CUL5: variants seen among roughly 807,000 people sequenced by gnomAD.
CUL5 encodes the protein cullin-5.
CUL5 carries 26 observed loss-of-function variants against 108.8 expected under a neutral mutation model. The observed-to-expected ratio is 0.24, with a 90% CI of 0.18 to 0.33. The LOEUF is 0.33. Ranked by LOEUF, CUL5 falls within the 10% of genes least tolerant of loss-of-function variation. The pLI is 1.00. For synonymous variants in CUL5, 334 were observed against 298.0 expected, an observed-to-expected ratio of 1.12 and a Z score of -1.25; for missense variants, 524 against 909.2, an observed-to-expected ratio of 0.58 and a Z score of 5.45.
intron 13 of CUL5, among the ~76,000 whole-genome samples, chr11:108,091,667 C>T (rs1864362617): frequency 7.1e-6 from 1 of 140,028 alleles, no homozygotes; most frequent in Admixed American, 7.2e-5. Flanking sequence ...CCTGCCTGAG[C>T]AACAGAGTCA....
At chr11:108,055,612 T>TA (rs1863354818) in intron 7 of CUL5, among the ~76,000 whole-genome samples, 1 of 145,918 alleles carries the variant, frequency 6.9e-6, no homozygotes, top group Non-Finnish European at 1.5e-5. Context: ...GCCTGACTAA[T>TA]AAATATATAT....
At chr11:108,034,382 G>T (rs556052405) in intron 2 of CUL5, among the ~76,000 whole-genome samples, 1 of 152,298 alleles carries the variant, frequency 6.6e-6, no homozygotes, top group Admixed American at 6.5e-5. Flanking sequence ...CAAAATCAGT[G>T]TAAACCATAT....
chr11:108,031,756 C>T (rs532780375), intron 1 of CUL5, among the ~76,000 whole-genome samples: 14 of 152,196 alleles, frequency 9.2e-5, no homozygotes, highest in Admixed American at 4.6e-4. Context: ...CTAACAAAGA[C>T]GTGAAATCAC....
intron 11 of CUL5, among the ~76,000 whole-genome samples, chr11:108,086,074 A>G (rs1237828462): frequency 6.6e-6 from 1 of 152,224 alleles, no homozygotes; most frequent in Non-Finnish European, 1.5e-5. Flanking sequence ...AAAACCATAT[A>G]TAATTGGAGT....
At chr11:108,070,067 A>G in intron 7 of CUL5, 29 bp from the exon 8 acceptor site, 1 of 1,455,328 alleles carries the variant, frequency 6.9e-7, no homozygotes, top group African/African-American at 1.4e-5. Context: ...AGCTTATAGT[A>G]GCCTTGACTA....
At chr11:108,083,965 A>G (rs1225508486) in intron 11 of CUL5, among the ~76,000 whole-genome samples, 1 of 152,182 alleles carries the variant, frequency 6.6e-6, no homozygotes, top group Non-Finnish European at 1.5e-5. Context: ...AACTTCCGTA[A>G]AACATTATGA....
chr11:108,057,684 A>C (rs1477429610), intron 7 of CUL5, among the ~76,000 whole-genome samples: 4 of 152,216 alleles, frequency 2.6e-5, no homozygotes, highest in African/African-American at 9.6e-5. Context: ...AGGAGAAATT[A>C]CAACTATATG....
In CUL5 at chr11:108,094,819, A is replaced by G; in HGVS notation, c.1575A>G (p.Ser525=). 1 of 1,591,452 alleles carries G rather than the reference A, an allele frequency of 6.3e-7. No homozygotes were observed. Among genetic ancestry groups the G allele is most frequent in the Non-Finnish European group, 8.5e-7 (1 of 1,170,660 alleles). ...TGATATTCTTCTCTATAGCTGATTC[A>G]GTTAATATAAAAATTCTGAATGCTG... ...KNNKLALPAD[S]VNIKILNAGA... is the part of the protein sequence containing the mutation. Residue 525 remains serine, a synonymous_variant, in exon 15 of 19, where the codon TCA becomes TCG. Transcript: ENST00000393094.
intron 1 of CUL5, among the ~76,000 whole-genome samples, chr11:108,027,256 G>A (rs1054742370): frequency 2.0e-5 from 3 of 150,490 alleles, no homozygotes; most frequent in Non-Finnish European, 3.0e-5. Context: ...GATTATAGGC[G>A]CCACCATGCC....
intron 1 of CUL5, among the ~76,000 whole-genome samples, chr11:108,017,846 C>CA (rs113605419): frequency 1.2e-3 from 168 of 142,664 alleles, no homozygotes; most frequent in African/African-American, 2.1e-3. Context: ...GACCCTGTCT[C>CA]AAAAAAAAAA....
chr11:108,050,106 G>A (rs1343974578), intron 4 of CUL5, 40 bp downstream of exon 4: 1 of 1,484,850 alleles, frequency 6.7e-7, no homozygotes, highest in Non-Finnish European at 9.0e-7. Context: ...ATATTCTTCA[G>A]AAAGAGGGTA....
intron 3 of CUL5, among the ~76,000 whole-genome samples, chr11:108,049,005 T>TA (rs1048459745): frequency 6.6e-6 from 1 of 152,102 alleles, no homozygotes; most frequent in African/African-American, 2.4e-5. Context: ...ATAATTAATA[T>TA]ACCATAAAAT....
chr11:108,010,125 GAGA>G (rs1329518075), intron 1 of CUL5, among the ~76,000 whole-genome samples: 2 of 152,364 alleles, frequency 1.3e-5, no homozygotes, highest in Non-Finnish European at 2.9e-5. Context: ...AAAAAGTTTG[GAGA>G]AGAATGAGGA....
At chr11:108,102,558 A>G (rs1367634087) in intron 18 of CUL5, among the ~76,000 whole-genome samples, 1 of 149,802 alleles carries the variant, frequency 6.7e-6, no homozygotes, top group Non-Finnish European at 1.5e-5. Context: ...CTCAAACTCC[A>G]CGACTCAAAC....
At chr11:108,009,602 T>A (rs1440744621) in intron 1 of CUL5, among the ~76,000 whole-genome samples, 2 of 151,706 alleles carry the variant, frequency 1.3e-5, no homozygotes, top group Non-Finnish European at 2.9e-5. Context: ...AAAGCCTGGC[T>A]GAGCGCTGGC....
At chr11:108,074,842 G>GGAAAA (rs1863907731) in intron 10 of CUL5, among the ~76,000 whole-genome samples, 1 of 152,020 alleles carries the variant, frequency 6.6e-6, no homozygotes, top group Non-Finnish European at 1.5e-5. Context: ...CAAATAAGTA[G>GGAAAA]GTAAAGTAGG....
In CUL5 at chr11:108,078,981, G is replaced by C. The variant is rs954820725; in HGVS notation, c.1178+741G>C. On this transcript the variant is annotated intron_variant, in intron 11 of 18. Transcript: ENST00000393094. ...ATTGATATATTTTAGAAGGGAATAT[G>C]TTCTCTTTTATAAACTGTGAAATAT... Among the ~76,000 whole-genome samples, 9 of 152,070 alleles carry C rather than the reference G, an allele frequency of 5.9e-5. 1 individual carries two copies. In the South Asian group the frequency reaches 1.2e-3, roughly 21 times the overall value.
intron 1 of CUL5, among the ~76,000 whole-genome samples, chr11:108,019,536 T>A (rs1862279320): frequency 6.6e-6 from 1 of 152,210 alleles, no homozygotes; most frequent in Admixed American, 6.5e-5. Context: ...AGGATTATAA[T>A]GGGAGCTAAA....
chr11:108,058,266 T>TTTTTTAAAA (rs1863446856), intron 7 of CUL5, among the ~76,000 whole-genome samples: 1 of 145,406 alleles, frequency 6.9e-6, no homozygotes. Context: ...TTTTTTTTTT[T>TTTTTTAAAA]GAAACATAGC....
Sources: allele counts gnomAD v4.1 joint callset (sites outside exome capture counted in the v4.1 genomes callset), GRCh38; gene constraint gnomAD v4.1.1; transcripts MANE v1.5; gene names NCBI Gene and HGNC (gene_info 2026-07-23, HGNC 2026-07-21).